SP140: variants seen among roughly 807,000 people sequenced by gnomAD.
SP140 encodes nuclear body protein SP140.
A neutral mutation model predicts 125.0 loss-of-function variants in SP140; 81 were observed. The ratio of observed to expected loss-of-function variants is 0.65; its 90% CI spans 0.54 to 0.78. The LOEUF (loss-of-function observed/expected upper bound fraction) is 0.78. SP140 is among the 30% of genes least tolerant of loss of function. SP140 has a pLI of 0.00. For synonymous variants in SP140, 312 were observed against 354.0 expected, an observed-to-expected ratio of 0.88 and a Z score of 1.33; for missense variants, 858 against 1,037.0, an observed-to-expected ratio of 0.83 and a Z score of 2.37.
the SP140 span, among the ~76,000 whole-genome samples, chr2:230,198,054 T>C: frequency 6.6e-6 from 1 of 152,222 alleles, no homozygotes; most frequent in African/African-American, 2.4e-5. Context: ...TTTTGGTGGT[T>C]TAACATTGAA....
At chr2:230,288,332 A>G (rs1308554886) in intron 18 of SP140, among the ~76,000 whole-genome samples, 4 of 152,216 alleles carry the variant, frequency 2.6e-5, no homozygotes, top group Non-Finnish European at 4.4e-5. Flanking sequence ...GGTGAAAAAG[A>G]GTTGTGGTTA....
intron 15 of SP140, among the ~76,000 whole-genome samples, chr2:230,279,429 A>G (rs2055196046): frequency 6.6e-6 from 1 of 152,164 alleles, no homozygotes; most frequent in Admixed American, 6.6e-5. Flanking sequence ...TTACAAAGCA[A>G]GAGTAATCAA....
chr2:230,305,579 G>C (rs1314812685), intron 22 of SP140, among the ~76,000 whole-genome samples: 1 of 152,256 alleles, frequency 6.6e-6, no homozygotes, highest in Admixed American at 6.5e-5. Context: ...GCTGCCCGTA[G>C]GGCGTGGTCA....
chr2:230,303,886 G>T (rs1040991297), intron 22 of SP140, among the ~76,000 whole-genome samples: 6 of 152,192 alleles, frequency 3.9e-5, no homozygotes, highest in Admixed American at 2.6e-4. Flanking sequence ...TATTCTACAT[G>T]ATACTAGAAG....
At chr2:230,195,878 TTA>T in the SP140 span, among the ~76,000 whole-genome samples, 3 of 152,002 alleles carry the variant, frequency 2.0e-5, no homozygotes, top group Admixed American at 6.6e-5. Flanking sequence ...ATATAGAAGG[TTA>T]ATATCCTTAT....
intron 3 of SP140, among the ~76,000 whole-genome samples, chr2:230,219,219 C>T (rs554362355): frequency 2.6e-5 from 4 of 151,954 alleles, no homozygotes; most frequent in Non-Finnish European, 5.9e-5. Flanking sequence ...AGCGAGACTC[C>T]GTCTCAGAAA....
chr2:230,211,455 C>G lies in SP140; in HGVS notation c.-322-2199C>G. 1 of 1,540,644 alleles carries G rather than the reference C, an allele frequency of 6.5e-7. No individual in the cohort carries two copies. Among genetic ancestry groups the G allele is most frequent in the East Asian group, 2.2e-5 (1 of 44,524 alleles). On this transcript the variant is annotated intron_variant, in intron 1 of 4. Coordinates refer to the SP140 transcript ENST00000456542. The surrounding 1 kb of genome is among the most constrained non-coding windows in gnomAD (Gnocchi z 4.2). The stretch of plus-strand genomic sequence containing the variant: ...AAACAAAGGCAAGCTTTTAGGTTGA[C>G]CAAACCAAGATTACCTGGCATAGAG...
intron 22 of SP140, among the ~76,000 whole-genome samples, chr2:230,299,584 T>C (rs2058096034): frequency 6.6e-6 from 1 of 152,114 alleles, no homozygotes; most frequent in African/African-American, 2.4e-5. Flanking sequence ...CAAGCACAAA[T>C]TTTCCTGGTC....
At chr2:230,199,173 A>T (rs2043018343), upstream of SP140, among the ~76,000 whole-genome samples, 5 of 136,188 alleles carry the variant, frequency 3.7e-5, no homozygotes, top group South Asian at 2.4e-4. Context: ...TAGTGGGGTG[A>T]GGTTTGCTGT....
intron 1 of SP140, among the ~76,000 whole-genome samples, chr2:230,206,595 TTATATATATATATATATATA>T (rs56817002): frequency 0.32 from 22,771 of 70,716 alleles, 3,756 homozygotes; most frequent in Middle Eastern, 0.49. Context: ...GGTCCAGATT[TTATATATATATATATATATA>T]TATATATATA....
At chr2:230,187,335 CT>C in the SP140 span, among the ~76,000 whole-genome samples, 1 of 151,988 alleles carries the variant, frequency 6.6e-6, no homozygotes, top group African/African-American at 2.4e-5. Context: ...CATTTGCCCA[CT>C]TTTTGTGGGA....
At chr2:230,253,270 G>C in intron 10 of SP140, 46 bp from the exon 11 acceptor site, 1 of 1,361,182 alleles carries the variant, frequency 7.3e-7, no homozygotes, top group Non-Finnish European at 1.1e-6. Flanking sequence ...TGGATGGCGT[G>C]AATGCACTGA....
Position 230,248,035 on chromosome 2 carries a change from T to C in SP140, c.862T>C (p.Tyr288His), listed in dbSNP as rs2049758517. 1 of 1,613,338 alleles carries C rather than the reference T, an allele frequency of 6.2e-7. No homozygotes were observed. The highest frequency in any genetic ancestry group is 1.1e-5 in the South Asian group (1 of 91,036). ...AAAAAGAAACCAAGACAAGGAGAAG[T>C]ACCAAGAGAGTCCAGAGGGAAGAGA... ...PRKRNQDKEK[Y>H]QESPEGRDKE... is the part of the protein sequence containing the mutation. The change falls in exon 8 of 27, where the codon TAC becomes CAC. Residue 288 changes from tyrosine (Y) to histidine (H), a missense_variant. By Grantham distance (83) the Tyr-to-His change is moderately conservative (BLOSUM62 2). This residue lies in a region of SP140 where 791 missense variants were observed against 869.5 expected (regional missense o/e 0.91). Coordinates refer to ENST00000392045, the MANE Select transcript of SP140 (RefSeq NM_007237.5).
intron 18 of SP140, among the ~76,000 whole-genome samples, chr2:230,288,502 TTTCTTTC>T (rs1290930503): frequency 1.6e-4 from 19 of 121,322 alleles, no homozygotes; most frequent in African/African-American, 5.8e-4. Flanking sequence ...TCTTTCTTTC[TTTCTTTC>T]TTTCTTTCTT....
rs548372545 is a variant in SP140, at chr2:230,305,363, A to G, written c.2059-4561A>G. Reference sequence around the variant, plus strand: ...CAGTACAGAGGTTCCTTAAAGAAGTATAAGTAGATCTACCATTTCATCCAG... The same window carrying G: ...CAGTACAGAGGTTCCTTAAAGAAGTGTAAGTAGATCTACCATTTCATCCAG... On this transcript the variant is annotated intron_variant, in intron 22 of 26. Transcript: ENST00000392045. Among the ~76,000 whole-genome samples, 12 of 152,380 alleles carry G rather than the reference A, an allele frequency of 7.9e-5. No individual in the cohort carries two copies. The East Asian group carries it at 2.3e-3, about 29-fold the overall frequency.
intron 16 of SP140, among the ~76,000 whole-genome samples, chr2:230,285,487 T>C (rs772782985): frequency 3.0e-4 from 45 of 152,232 alleles, no homozygotes; most frequent in Non-Finnish European, 5.1e-4. Context: ...ACTCAATCAT[T>C]ATAACATTTT....
At chr2:230,214,579 C>T (rs568261830) in intron 3 of SP140, among the ~76,000 whole-genome samples, 4 of 152,180 alleles carry the variant, frequency 2.6e-5, no homozygotes, top group Non-Finnish European at 4.4e-5. Flanking sequence ...TATTATTATC[C>T]GTCCACATTC....
At position 230,248,081 on chromosome 2, in the gene SP140, G is replaced by A. The variant is rs1335621929; in HGVS notation, c.892+16G>A. 1 of 1,612,054 alleles carries A rather than the reference G, an allele frequency of 6.2e-7. No individual in the cohort carries two copies. The highest frequency in any genetic ancestry group is 1.1e-5 in the South Asian group (1 of 90,864). On this transcript the variant is annotated intron_variant, in intron 8 of 26. Transcript: ENST00000392045. ...AGAGACAAAGGTAGGAACAGAAGAA[G>A]CAGAGACATGTGTCAAGGGTGAAAA... is the stretch of plus-strand genomic sequence containing the variant.
chr2:230,253,139 C>T (rs778371546), intron 10 of SP140, among the ~76,000 whole-genome samples, 177 bp from the exon 11 acceptor site: 3 of 152,026 alleles, frequency 2.0e-5, no homozygotes, highest in Non-Finnish European at 1.5e-5. Context: ...TAGGAGGGAA[C>T]TATGTGGAGG....
Sources: gnomAD v4.1 joint callset for allele counts (sites outside exome capture counted in the v4.1 genomes callset) on GRCh38, gnomAD v4.1.1 for gene constraint, gnomAD v4.1.1 regional missense constraint, Gnocchi (gnomAD v3.1) non-coding constraint, MANE v1.5 for transcripts, NCBI Gene and HGNC (gene_info 2026-07-23, HGNC 2026-07-21) for gene names.